P3H2: variants seen among roughly 807,000 people sequenced by gnomAD.
P3H2 encodes the protein prolyl 3-hydroxylase 2.
Under a neutral mutation model 87.0 loss-of-function variants are expected in P3H2, and 80 were observed. The observed-to-expected ratio is 0.92, with a 90% CI of 0.77 to 1.11. The LOEUF is 1.11. Among genes scored for constraint, P3H2 ranks in the 50% least tolerant of loss-of-function variants. P3H2 has a pLI of 0.00. For synonymous variants in P3H2, 367 were observed against 359.3 expected, an observed-to-expected ratio of 1.02 and a Z score of -0.24; for missense variants, 1,001 against 923.9, an observed-to-expected ratio of 1.08 and a Z score of -1.08.
intron 1 of P3H2, among the ~76,000 whole-genome samples, chr3:190,089,426 C>T (rs1727339675): frequency 1.3e-5 from 2 of 152,102 alleles, no homozygotes; most frequent in Non-Finnish European, 2.9e-5. Flanking sequence ...ACCAAAAATT[C>T]CAAAGTAGTT....
chr3:190,064,287 A>G lies in P3H2; in HGVS notation c.480+55965T>C, dbSNP rs556882034. 2.0e-5 allele frequency among the ~76,000 whole-genome samples: 3 copies of G among 152,080 alleles called. No homozygotes were observed. The East Asian group carries it at 5.8e-4, about 29-fold the overall frequency. ...CTCGGCCTCCCAAAGTGCTGGGATTATAGACATGAGTCACTGAACCCAGCC... is the reference window on the plus strand; with the variant it reads ...CTCGGCCTCCCAAAGTGCTGGGATTGTAGACATGAGTCACTGAACCCAGCC... On this transcript the variant is annotated intron_variant, in intron 1 of 14. Transcript: ENST00000319332.
chr3:190,103,074 T>C (rs1711690107), intron 1 of P3H2, among the ~76,000 whole-genome samples: 1 of 152,236 alleles, frequency 6.6e-6, no homozygotes, highest in African/African-American at 2.4e-5. Context: ...GACTAAATTA[T>C]AATGTAAACA....
intron 1 of P3H2, among the ~76,000 whole-genome samples, chr3:190,090,982 C>T (rs1213101815): frequency 6.6e-6 from 1 of 152,152 alleles, no homozygotes; most frequent in African/African-American, 2.4e-5. Context: ...TTCCGCCTGC[C>T]ATCTCTCAAA....
intron 1 of P3H2, among the ~76,000 whole-genome samples, chr3:190,078,380 T>C (rs958026373): frequency 3.9e-5 from 6 of 152,218 alleles, no homozygotes; most frequent in African/African-American, 1.4e-4. Context: ...TTATGATGAA[T>C]TTAATTAAAA....
chr3:190,113,740 G>A (rs1577330346), intron 1 of P3H2, among the ~76,000 whole-genome samples: 1 of 152,182 alleles, frequency 6.6e-6, no homozygotes, highest in Non-Finnish European at 1.5e-5. Flanking sequence ...GATTCTGAGA[G>A]ACGAGGTCTA....
intron 1 of P3H2, among the ~76,000 whole-genome samples, chr3:190,018,141 A>C (rs755283764): frequency 5.9e-5 from 9 of 152,202 alleles, no homozygotes; most frequent in Non-Finnish European, 1.3e-4. Context: ...TCTACTTGGC[A>C]AAGATTGCTT....
At chr3:190,029,132 AGTGGGGGTGGTTAGTATTT>A in intron 1 of P3H2, among the ~76,000 whole-genome samples, 1 of 152,256 alleles carries the variant, frequency 6.6e-6, no homozygotes, top group Non-Finnish European at 1.5e-5. Flanking sequence ...TAAGAGTTCG[AGTGGGGGTGGTTAGTATTT>A]ATTAAGTGTC....
chr3:189,956,867 T>A lies in P3H2; in HGVS notation c.*1045A>T, dbSNP rs530758556. On this transcript the variant is annotated 3_prime_UTR_variant, in exon 15 of 15. Coordinates refer to ENST00000319332, the MANE Select transcript of P3H2 (RefSeq NM_018192.4). ...CAGAAATTTATTTTTCTTATGTAAG[T>A]ACAAAACACCTCTTTTCATCAGTGG... is the stretch of plus-strand genomic sequence containing the variant. The A allele has an allele frequency of 2.7e-6, 1 of 374,616 alleles. No individual in the cohort carries two copies. The highest frequency in any genetic ancestry group is 3.9e-5 in the East Asian group (1 of 25,922). 23.2% of individuals were successfully genotyped at this position (374,616 alleles called of 1,614,324 possible). A position where few individuals can be genotyped will look rare whatever the true frequency, so the allele number is the denominator to read the frequency against.
intron 1 of P3H2, among the ~76,000 whole-genome samples, chr3:190,031,191 T>G (rs1725239811): frequency 6.6e-6 from 1 of 152,142 alleles, no homozygotes; most frequent in Non-Finnish European, 1.5e-5. Flanking sequence ...TATTTCTAAT[T>G]TATAGATGAA....
intron 13 of P3H2, chr3:189,969,642 A>G: frequency 8.4e-7 from 1 of 1,191,980 alleles, no homozygotes; most frequent in Non-Finnish European, 1.3e-6. Context: ...GTCGCCTGGT[A>G]GTTGACCTTG....
chr3:189,966,155 GAAAGAAAGAAAGAAAGAA>G (rs1722996005), intron 13 of P3H2, among the ~76,000 whole-genome samples: 1 of 143,252 alleles, frequency 7.0e-6, no homozygotes, highest in Admixed American at 7.0e-5. Flanking sequence ...AAGAAAGAAA[GAAAGAAAGAAAGAAAGAA>G]AGAAAGAAAG....
chr3:190,045,778 A>AG (rs1169559251), intron 1 of P3H2, among the ~76,000 whole-genome samples: 1 of 151,058 alleles, frequency 6.6e-6, no homozygotes, highest in Non-Finnish European at 1.5e-5. Context: ...TCTTTCCTGA[A>AG]AAAAAAAAGA....
chr3:190,042,869 T>C (rs953011586), intron 1 of P3H2, among the ~76,000 whole-genome samples: 1 of 152,182 alleles, frequency 6.6e-6, no homozygotes, highest in African/African-American at 2.4e-5. Flanking sequence ...TTTTCACTCA[T>C]AAAATAATGC....
At chr3:189,992,243 C>T (rs570822823) in intron 3 of P3H2, among the ~76,000 whole-genome samples, 3,231 of 152,124 alleles carry the variant, frequency 0.021, 91 homozygotes, top group African/African-American at 0.065. Context: ...TACAGGCACC[C>T]ACCACCACAC....
intron 1 of P3H2, among the ~76,000 whole-genome samples, chr3:189,995,723 T>C (rs185650256): frequency 1.6e-3 from 235 of 151,590 alleles, no homozygotes; most frequent in African/African-American, 5.6e-3. Context: ...GGGGTTAATA[T>C]CTAGGATCTA....
intron 1 of P3H2, among the ~76,000 whole-genome samples, chr3:190,098,039 A>C (rs1473957135): frequency 6.6e-6 from 1 of 152,248 alleles, no homozygotes; most frequent in Non-Finnish European, 1.5e-5. Flanking sequence ...GTGGTGAAAA[A>C]TAAAAAAACA....
At chr3:189,989,188 T>C in intron 3 of P3H2, 150 bp from the exon 4 acceptor site, 1 of 945,204 alleles carries the variant, frequency 1.1e-6, no homozygotes, top group Non-Finnish European at 1.6e-6. Flanking sequence ...GCAAAACCTT[T>C]TTACAAAGAA....
chr3:190,117,750 TGGGGGAG>T (rs1712350605), intron 1 of P3H2, among the ~76,000 whole-genome samples: 1 of 71,984 alleles, frequency 1.4e-5, no homozygotes, highest in South Asian at 4.8e-4. Context: ...TCTTGGGGGC[TGGGGGAG>T]GGGGGTGAAG....
intron 13 of P3H2, among the ~76,000 whole-genome samples, chr3:189,970,491 A>AACTGACGTTCTTACGTTTCCATC (rs1475127291): frequency 1.3e-5 from 2 of 151,782 alleles, no homozygotes; most frequent in Non-Finnish European, 2.9e-5. Context: ...GTGACTTAGG[A>AACTGACGTTCTTACGTTTCCATC]ACTGACGTTC....
Sources: gnomAD v4.1 joint callset for allele counts (sites outside exome capture counted in the v4.1 genomes callset) on GRCh38, gnomAD v4.1.1 for gene constraint, MANE v1.5 for transcripts, NCBI Gene and HGNC (gene_info 2026-07-23, HGNC 2026-07-21) for gene names.